Variants in IFI44L observed in about 807,000 individuals in gnomAD.
The protein encoded by IFI44L is interferon-induced protein 44-like.
IFI44L carries 40 observed loss-of-function variants against 39.3 expected under a neutral mutation model. The observed-to-expected ratio is 1.02, with a 90% CI of 0.79 to 1.33. The LOEUF (loss-of-function observed/expected upper bound fraction) is 1.33. Among genes scored for constraint, IFI44L ranks in the 40% most tolerant of loss-of-function variants. The pLI, the probability that IFI44L is intolerant of heterozygous loss-of-function variation, is 0.00. For synonymous variants in IFI44L, 198 were observed against 182.3 expected, an observed-to-expected ratio of 1.09 and a Z score of -0.69; for missense variants, 623 against 549.0, an observed-to-expected ratio of 1.13 and a Z score of -1.35.
rs1156399207 is a variant in IFI44L, at chr1:78,645,548, A to C, written c.*3739A>C. On this transcript the variant is annotated 3_prime_UTR_variant, in exon 9 of 9. Coordinates refer to ENST00000370751, the MANE Select transcript of IFI44L (RefSeq NM_006820.4). ...GGGGCCAAGTAAGCCCCATATGCTT[A>C]ATGATCAGCTGATGAATAATCATCT... 1.3e-5 allele frequency: 2 copies of C among 152,216 alleles called. No homozygotes were observed. Among genetic ancestry groups the C allele is most frequent in the Non-Finnish European group, 2.9e-5 (2 of 68,032 alleles). The allele number at this position is 152,216 out of a possible 1,614,324, so 9.4% of individuals were successfully genotyped here.
At position 78,641,428 on chromosome 1, in the gene IFI44L, T is replaced by C; in HGVS notation, c.1150-7T>C. The stretch of plus-strand genomic sequence containing the variant: ...GGACTTACACTTTTTAAATATACTT[T>C]CCACAGGTCATGAATGTCCATAAAA... On this transcript the variant is annotated splice_polypyrimidine_tract_variant and splice_region_variant and intron_variant, in intron 7 of 8. Transcript: ENST00000370751. 2 of 1,611,234 alleles carry C rather than the reference T, an allele frequency of 1.2e-6. No homozygotes were observed. Among genetic ancestry groups the C allele is most frequent in the Non-Finnish European group, 1.7e-6 (2 of 1,177,808 alleles).
intron 6 of IFI44L, among the ~76,000 whole-genome samples, chr1:78,639,518 G>A (rs1319212062): frequency 6.6e-6 from 1 of 152,034 alleles, no homozygotes; most frequent in East Asian, 1.9e-4. Context: ...AGTTGTGAGT[G>A]TCTCCAAAAG....
intron 3 of IFI44L, among the ~76,000 whole-genome samples, chr1:78,629,296 G>A (rs1652624238): frequency 6.6e-6 from 1 of 152,090 alleles, no homozygotes; most frequent in Non-Finnish European, 1.5e-5. Flanking sequence ...CAGCTTTTGA[G>A]AATCCTCAGT....
intron 1 of IFI44L, 30 bp from the exon 2 acceptor site, chr1:78,627,876 C>T (rs1207444148): frequency 2.3e-6 from 3 of 1,299,440 alleles, no homozygotes; most frequent in South Asian, 3.3e-5. Context: ...ATTATATAAG[C>T]TTCTCAACCT....
chr1:78,637,077 A>T lies in IFI44L; in HGVS notation c.922A>T (p.Thr308Ser). Residue 308 changes from threonine (T) to serine (S), a missense_variant, in exon 6 of 9, where the codon ACC becomes TCC. Coordinates refer to ENST00000370751, the MANE Select transcript of IFI44L (RefSeq NM_006820.4). ...TACACCTGAGCATTCTACTTTTATCACCTCTCCATCTCTGAAGGACAGGAT... is the reference window on the plus strand; with the variant it reads ...TACACCTGAGCATTCTACTTTTATCTCCTCTCCATCTCTGAAGGACAGGAT... ...PITPEHSTFITSPSLKDRIHC... is the reference protein window; with the variant it reads ...PITPEHSTFISSPSLKDRIHC... The T allele has an allele frequency of 6.2e-7, 1 of 1,611,630 alleles. No individual in the cohort carries two copies. Among genetic ancestry groups the T allele is most frequent in the African/African-American group, 1.3e-5 (1 of 74,874 alleles).
In IFI44L at chr1:78,643,635, GTTTTTTTTTTGTTGTTGT is replaced by G. The variant is rs1371682373; in HGVS notation, c.*1837_*1854del. 26 of 136,222 alleles carry G rather than the reference GTTTTTTTTTTGTTGTTGT, an allele frequency of 1.9e-4. No individual in the cohort carries two copies. Among genetic ancestry groups the G allele is most frequent in the Non-Finnish European group, 2.6e-4 (16 of 62,526 alleles). 8.4% of individuals were successfully genotyped at this position (136,222 alleles called of 1,614,324 possible). ...CTGGAAGTTTTTTTTTGTTTGTTTT[GTTTTTTTTTTGTTGTTGT>G]TTTTTTTTTTTTTTGTTTTTTTGCT... On this transcript the variant is annotated 3_prime_UTR_variant, in exon 9 of 9. Transcript: ENST00000370751.
chr1:78,631,867 G>T (rs1652761527), intron 4 of IFI44L, among the ~76,000 whole-genome samples: 1 of 152,028 alleles, frequency 6.6e-6, no homozygotes, highest in African/African-American at 2.4e-5. Flanking sequence ...ACATTAGTAT[G>T]AATCAAACGG....
intron 1 of IFI44L, among the ~76,000 whole-genome samples, chr1:78,621,928 C>T (rs1652293782): frequency 6.6e-6 from 1 of 151,996 alleles, no homozygotes; most frequent in South Asian, 2.1e-4. Flanking sequence ...TTTCCATGTG[C>T]TGGGAACAAC....
chr1:78,641,250 C>A, intron 7 of IFI44L, 129 bp downstream of exon 7: 1 of 851,672 alleles, frequency 1.2e-6, no homozygotes, highest in Non-Finnish European at 1.9e-6. Flanking sequence ...AGAATGGGAT[C>A]AATTGCTTGA....
At chr1:78,640,672 A>G (rs1294909824) in intron 6 of IFI44L, among the ~76,000 whole-genome samples, 4 of 151,760 alleles carry the variant, frequency 2.6e-5, no homozygotes, top group Non-Finnish European at 5.9e-5. Context: ...CTCATACACA[A>G]CCCTCCTCAC....
Position 78,641,520 on chromosome 1 carries a change from C to T in IFI44L, c.1235C>T (p.Pro412Leu). ...TATGCTTCAGATTTGGAACTGGACC[C>T]CATGAAGGATATTCTCATCCTCTCT... ...GNYASDLELD[P>L]MKDILILSAL... Residue 412 changes from proline (P) to leucine (L), a missense_variant, in exon 8 of 9, where the codon CCC (proline) becomes CTC (leucine). Coordinates refer to ENST00000370751, the MANE Select transcript of IFI44L (RefSeq NM_006820.4). The T allele has an allele frequency of 6.2e-7, 1 of 1,613,612 alleles. No individual in the cohort carries two copies. Among genetic ancestry groups the T allele is most frequent in the Non-Finnish European group, 8.5e-7 (1 of 1,179,696 alleles).
intron 4 of IFI44L, among the ~76,000 whole-genome samples, chr1:78,633,835 G>A (rs1050623572): frequency 2.0e-5 from 3 of 152,044 alleles, no homozygotes; most frequent in African/African-American, 7.2e-5. Flanking sequence ...TTAACAAAAT[G>A]AGAAAAATGA....
rs1229474087 is a variant in IFI44L, at chr1:78,640,971, A to G, written c.1049-50A>G. 5.3e-6 allele frequency: 7 copies of G among 1,318,616 alleles called. No homozygotes were observed. In the Admixed American group the frequency reaches 1.0e-4, roughly 19 times the overall value. The allele number at this position is 1,318,616 out of a possible 1,614,324, so 81.7% of individuals were successfully genotyped here. A position where few individuals can be genotyped will look rare whatever the true frequency, so the allele number is the denominator to read the frequency against. ...TTCACACATATTTAATAACTTGTTG[A>G]CACATTGCTATTTATGATATAAAAT... is the stretch of plus-strand genomic sequence containing the variant. On this transcript the variant is annotated intron_variant, in intron 6 of 8. Transcript: ENST00000370751.
intron 1 of IFI44L, chr1:78,625,979 A>G (rs1652470729): frequency 6.6e-6 from 1 of 151,732 alleles, no homozygotes; most frequent in African/African-American, 2.4e-5. Context: ...TCTGTTCAAT[A>G]TTATAGTACT....
intron 4 of IFI44L, 199 bp downstream of exon 4, chr1:78,630,114 A>T (rs1347340540): frequency 1.8e-6 from 1 of 563,842 alleles, no homozygotes; most frequent in East Asian, 3.1e-5. Context: ...GGATGGAAGA[A>T]GCAGTTATAT....
At position 78,646,140 on chromosome 1, in the gene IFI44L, A is replaced by C. The variant is rs1647046361; in HGVS notation, c.*4331A>C. On this transcript the variant is annotated 3_prime_UTR_variant, in exon 9 of 9. Transcript: ENST00000370751. ...TTAAAATAAATGCAAAGAAGCATAC[A>C]TCCAAGCCACTGAGCTCATTTGTCT... 1 of 152,348 alleles carries C rather than the reference A, an allele frequency of 6.6e-6. No individual in the cohort carries two copies. Among genetic ancestry groups the C allele is most frequent in the East Asian group, 1.9e-4 (1 of 5,190 alleles). The allele number at this position is 152,348 out of a possible 1,614,324, so 9.4% of individuals were successfully genotyped here.
At chr1:78,627,066 C>G (rs1269623037) in intron 1 of IFI44L, 3 of 152,002 alleles carry the variant, frequency 2.0e-5, no homozygotes, top group Non-Finnish European at 2.9e-5. Flanking sequence ...CTAGCAAACA[C>G]TTTGCTTAAC....
Position 78,644,352 on chromosome 1 carries a change from C to A in IFI44L, c.*2543C>A, listed in dbSNP as rs1244966776. ...GGAACATTTCATTTGACCCAACATC[C>A]TTTAGGAGCATAAATGTTGACACTA... On this transcript the variant is annotated 3_prime_UTR_variant, in exon 9 of 9. Coordinates refer to ENST00000370751, the MANE Select transcript of IFI44L (RefSeq NM_006820.4). 1 of 152,136 alleles carries A rather than the reference C, an allele frequency of 6.6e-6. No homozygotes were observed. Among genetic ancestry groups the A allele is most frequent in the Non-Finnish European group, 1.5e-5 (1 of 68,024 alleles). The allele number at this position is 152,136 out of a possible 1,614,324, so 9.4% of individuals were successfully genotyped here. A position where few individuals can be genotyped will look rare whatever the true frequency, so the allele number is the denominator to read the frequency against.
chr1:78,628,156 G>T lies in IFI44L; in HGVS notation c.241G>T (p.Asp81Tyr), dbSNP rs1652570991. ...NLHESSTEPN[D>Y]SLWFSLQKKN... The stretch of plus-strand genomic sequence containing the variant: ...ACATGAAAGTTCTACAGAGCCAAAT[G>T]ATTCCCTATGGTTTTCACTTCAAAA... Residue 81 changes from aspartate (D) to tyrosine (Y), a missense_variant, in exon 2 of 9, where the codon GAT becomes TAT. Physicochemically the swap from Asp to Tyr is radical, Grantham distance 160. Coordinates refer to ENST00000370751, the MANE Select transcript of IFI44L (RefSeq NM_006820.4). The T allele has an allele frequency of 6.2e-7, 1 of 1,612,144 alleles. No homozygotes were observed. The highest frequency in any genetic ancestry group is 1.1e-5 in the South Asian group (1 of 90,898).
Sources: gnomAD v4.1 joint callset for allele counts (sites outside exome capture counted in the v4.1 genomes callset) on GRCh38, gnomAD v4.1.1 for gene constraint, MANE v1.5 for transcripts, NCBI Gene and HGNC (gene_info 2026-07-23, HGNC 2026-07-21) for gene names.